IL1RAPL2: variants seen among roughly 807,000 people sequenced by gnomAD.
The protein encoded by IL1RAPL2 is interleukin 1 receptor accessory protein like 2, also known as X-linked interleukin-1 receptor accessory protein-like 2.
A neutral mutation model predicts 44.1 loss-of-function variants in IL1RAPL2; 3 were observed. That is an observed-to-expected ratio of 0.07 (90% CI 0.03 to 0.18). The LOEUF (loss-of-function observed/expected upper bound fraction) is 0.18, where lower values mean the gene tolerates loss of function less well. Ranked by LOEUF, IL1RAPL2 falls within the 10% of genes least tolerant of loss-of-function variation. The pLI, the probability that IL1RAPL2 is intolerant of heterozygous loss-of-function variation, is 1.00. For synonymous variants in IL1RAPL2, 181 were observed against 178.8 expected (o/e 1.01, Z -0.10); for missense variants, 391 against 496.4 (o/e 0.79, Z 2.02).
chrX:104,774,132 C>T (rs1419899098), intron 2 of IL1RAPL2, among the ~76,000 whole-genome samples: 1 of 111,647 alleles, frequency 9.0e-6, no homozygotes, highest in Non-Finnish European at 1.9e-5. Context: ...CGCTCTGTGC[C>T]AGACACGACA....
chrX:105,301,130 T>C (rs1226865236), intron 5 of IL1RAPL2, among the ~76,000 whole-genome samples: 1 of 112,099 alleles, frequency 8.9e-6, no homozygotes, highest in Non-Finnish European at 1.9e-5. Context: ...GTGCCTCATT[T>C]CTACCAAATA....
intron 2 of IL1RAPL2, among the ~76,000 whole-genome samples, chrX:104,878,850 A>G (rs1293719762): frequency 1.8e-5 from 2 of 110,838 alleles, no homozygotes; most frequent in African/African-American, 6.6e-5. Context: ...TTTTTTTTGA[A>G]TGAACAAATT....
At chrX:105,440,688 A>G (rs2035914175) in intron 5 of IL1RAPL2, among the ~76,000 whole-genome samples, 1 of 112,441 alleles carries the variant, frequency 8.9e-6, no homozygotes, top group Non-Finnish European at 1.9e-5. Flanking sequence ...TTGTTCAGAA[A>G]CAACACCTTC....
At chrX:105,033,912 T>G (rs2031567183) in intron 2 of IL1RAPL2, among the ~76,000 whole-genome samples, 1 of 111,645 alleles carries the variant, frequency 9.0e-6, no homozygotes, top group Non-Finnish European at 1.9e-5. Flanking sequence ...TCTTGGAGGC[T>G]TTGTTCATTT....
At chrX:105,188,075 T>A (rs782203161) in intron 2 of IL1RAPL2, among the ~76,000 whole-genome samples, 1 of 111,413 alleles carries the variant, frequency 9.0e-6, no homozygotes, top group Admixed American at 9.6e-5. Context: ...TAGTCTTCAG[T>A]GTCTTTAAGA....
intron 1 of IL1RAPL2, among the ~76,000 whole-genome samples, chrX:104,635,274 C>T (rs1253584249): frequency 9.0e-6 from 1 of 111,243 alleles, no homozygotes; most frequent in Non-Finnish European, 1.9e-5. Flanking sequence ...CTGCCCTTAA[C>T]CTTTTTTCCT....
At position 105,168,414 on chromosome X, in the gene IL1RAPL2, G is replaced by GGTGTGTGTGT. The variant is rs57882187; in HGVS notation, c.83-27031_83-27022dup. ...TCTCCAGAGAAATAGAACCATAGGAGGTGTGTGTGTGTGTGTGTGTGTGTG... is the reference window on the plus strand; with the variant it reads ...TCTCCAGAGAAATAGAACCATAGGAGGTGTGTGTGTGTGTGTGTGTGTGTGTGTGTGTGTG... On this transcript the variant is annotated intron_variant, in intron 2 of 10. Coordinates refer to ENST00000372582, the MANE Select transcript of IL1RAPL2 (RefSeq NM_017416.2). Among the ~76,000 whole-genome samples, 337 of 89,336 alleles carry GGTGTGTGTGT rather than the reference G, an allele frequency of 3.8e-3. 3 individuals are homozygous for GGTGTGTGTGT. The highest frequency in any genetic ancestry group is 0.016 in the Middle Eastern group (3 of 185). The allele number at this position is 89,336 out of a possible 115,157, so 77.6% of individuals were successfully genotyped here.
At chrX:105,331,626 A>C (rs1443623991) in intron 5 of IL1RAPL2, among the ~76,000 whole-genome samples, 2 of 111,596 alleles carry the variant, frequency 1.8e-5, no homozygotes, top group Non-Finnish European at 3.8e-5. Flanking sequence ...TACTGGGGAA[A>C]AATGATTTTT....
chrX:105,436,669 C>T (rs1019616471), intron 5 of IL1RAPL2, among the ~76,000 whole-genome samples: 1 of 110,574 alleles, frequency 9.0e-6, no homozygotes. Flanking sequence ...ATTAAAATAA[C>T]GCATTTCCAA....
At chrX:105,132,467 C>T (rs2033037265) in intron 2 of IL1RAPL2, among the ~76,000 whole-genome samples, 1 of 110,632 alleles carries the variant, frequency 9.0e-6, no homozygotes. Flanking sequence ...AGAGTTCTTT[C>T]AAAAAATAGA....
intron 5 of IL1RAPL2, among the ~76,000 whole-genome samples, chrX:105,355,789 A>G (rs1360137576): frequency 2.7e-5 from 3 of 111,822 alleles, no homozygotes; most frequent in African/African-American, 6.5e-5. Flanking sequence ...CTACCATTTT[A>G]TAGCACCACA....
intron 5 of IL1RAPL2, among the ~76,000 whole-genome samples, chrX:105,314,805 A>C (rs938193632): frequency 9.0e-6 from 1 of 111,575 alleles, no homozygotes; most frequent in East Asian, 2.8e-4. Flanking sequence ...ATGGGAGGGC[A>C]TGAAAGTATC....
At chrX:104,927,906 A>G (rs1924811105) in intron 2 of IL1RAPL2, among the ~76,000 whole-genome samples, 1 of 112,333 alleles carries the variant, frequency 8.9e-6, no homozygotes, top group African/African-American at 3.2e-5. Context: ...GTTCTCTAGG[A>G]TTTGATGGAA....
chrX:104,678,248 C>T (rs894013947), intron 2 of IL1RAPL2, among the ~76,000 whole-genome samples: 1 of 112,237 alleles, frequency 8.9e-6, no homozygotes, highest in African/African-American at 3.2e-5. Context: ...CCGTGGGATC[C>T]CATATTTAAA....
Position 104,916,612 on chromosome X carries a change from T to A in IL1RAPL2, c.82+257617T>A, listed in dbSNP as rs182901032. On this transcript the variant is annotated intron_variant, in intron 2 of 10. Coordinates refer to ENST00000372582, the MANE Select transcript of IL1RAPL2 (RefSeq NM_017416.2). ...CAGACCTTCCAACACTATGTTGAAT[T>A]GGAGTGGTGAGAGAGGGCATCCCTG... 3.8e-3 allele frequency among the ~76,000 whole-genome samples: 427 copies of A among 111,289 alleles called. 3 individuals carry two copies. The highest frequency in any genetic ancestry group is 0.013 in the African/African-American group (399 of 30,617).
intron 5 of IL1RAPL2, among the ~76,000 whole-genome samples, chrX:105,276,669 A>C (rs1338938700): frequency 8.9e-6 from 1 of 112,207 alleles, no homozygotes; most frequent in Admixed American, 9.4e-5. Context: ...CTGTAGACCA[A>C]ATAAAACAGC....
At chrX:104,891,831 G>C (rs1239743558) in intron 2 of IL1RAPL2, among the ~76,000 whole-genome samples, 1 of 111,533 alleles carries the variant, frequency 9.0e-6, no homozygotes, top group Non-Finnish European at 1.9e-5. Flanking sequence ...CCAACACTAT[G>C]TTGAATAGGA....
At chrX:105,012,670 C>CAGAG (rs1309455136) in intron 2 of IL1RAPL2, among the ~76,000 whole-genome samples, 1 of 80,619 alleles carries the variant, frequency 1.2e-5, no homozygotes, top group African/African-American at 5.5e-5. Flanking sequence ...CACACACACA[C>CAGAG]ACACAGAGAG....
chrX:105,083,599 A>G (rs1184786379), intron 2 of IL1RAPL2, among the ~76,000 whole-genome samples: 1 of 112,032 alleles, frequency 8.9e-6, no homozygotes, highest in African/African-American at 3.2e-5. Flanking sequence ...AGGTAAGTCC[A>G]TCAAATTAAC....
Sources: allele counts gnomAD v4.1 joint callset (sites outside exome capture counted in the v4.1 genomes callset), GRCh38; gene constraint gnomAD v4.1.1; transcripts MANE v1.5; gene names NCBI Gene and HGNC (gene_info 2026-07-23, HGNC 2026-07-21).